FGGY: variants seen among roughly 807,000 people sequenced by gnomAD.
The protein encoded by FGGY is FGGY carbohydrate kinase domain containing.
FGGY carries 72 observed loss-of-function variants against 71.3 expected under a neutral mutation model. That is an observed-to-expected ratio of 1.01 (90% confidence interval 0.84 to 1.23). The LOEUF is 1.23. Among genes scored for constraint, FGGY ranks in the 50% most tolerant of loss-of-function variants. FGGY has a pLI of 0.00. For missense variants in FGGY, 668 were observed against 682.3 expected (o/e 0.98, Z 0.23); for synonymous variants, 251 against 250.3 (o/e 1.00, Z -0.02).
At chr1:59,497,157 C>G (rs1174904292) in intron 6 of FGGY, among the ~76,000 whole-genome samples, 1 of 152,068 alleles carries the variant, frequency 6.6e-6, no homozygotes, top group Non-Finnish European at 1.5e-5. Flanking sequence ...GAAAGAACTG[C>G]CAAAACACAG....
At chr1:59,401,953 A>G (rs1296426678) in intron 5 of FGGY, among the ~76,000 whole-genome samples, 2 of 152,172 alleles carry the variant, frequency 1.3e-5, no homozygotes, top group African/African-American at 4.8e-5. Flanking sequence ...CTTCCAAGGT[A>G]CCATGGCGTT....
rs760816361 is a variant in FGGY at position 59,321,616 on chromosome 1, C to T, written c.67C>T (p.Arg23Cys). Residue 23 changes from arginine to cysteine, a missense_variant, in exon 2 of 16, where the codon CGT becomes TGT. Arg to Cys is a radical substitution (Grantham distance 180, BLOSUM62 -3). This residue lies in a region of FGGY where 661 missense variants were observed against 661.6 expected (regional missense o/e 1.00). Transcript: ENST00000303721. Reference protein sequence around the residue: ...VGVDVGTGSVRAALVDQSGVL... With the variant: ...VGVDVGTGSVCAALVDQSGVL... Reference sequence around the variant, plus strand: ...TGTGGACGTTGGAACAGGCAGTGTCCGTGCAGCTCTGGTGGACCAGAGTGG... The same window carrying T: ...TGTGGACGTTGGAACAGGCAGTGTCTGTGCAGCTCTGGTGGACCAGAGTGG... 8 of 1,613,862 alleles carry T rather than the reference C, an allele frequency of 5.0e-6. No homozygotes were observed. The highest frequency in any genetic ancestry group is 3.3e-5 in the Admixed American group (2 of 59,994).
intron 7 of FGGY, among the ~76,000 whole-genome samples, chr1:59,547,656 G>A (rs2095547663): frequency 6.6e-6 from 1 of 152,162 alleles, no homozygotes. Context: ...CAAGCACAAA[G>A]CAATCTCCCA....
Position 59,306,584 on chromosome 1 carries a change from C to T in FGGY, c.-15+9434C>T, listed in dbSNP as rs575070951. On this transcript the variant is annotated intron_variant, in intron 1 of 15. Coordinates refer to ENST00000303721, the MANE Select transcript of FGGY (RefSeq NM_018291.5). ...AAGAGAAGCAGCTGGCCCAGGCCAA[C>T]TCTACAGGAAAAGAGGCCTGACCTT... Among the ~76,000 whole-genome samples, 165 of 152,282 alleles carry T rather than the reference C, an allele frequency of 1.1e-3. 5 individuals carry two copies. The South Asian group carries it at 0.034, about 31-fold the overall frequency.
intron 12 of FGGY, among the ~76,000 whole-genome samples, chr1:59,660,604 A>G (rs1408579529): frequency 6.6e-6 from 1 of 152,244 alleles, no homozygotes; most frequent in African/African-American, 2.4e-5. Flanking sequence ...GTATGCTTGC[A>G]TTAAGAAAAG....
chr1:59,686,112 G>A (rs899159845), intron 14 of FGGY, among the ~76,000 whole-genome samples: 2 of 152,092 alleles, frequency 1.3e-5, no homozygotes, highest in African/African-American at 2.4e-5. Flanking sequence ...ACCTGACTTC[G>A]GGTCTAGGAT....
chr1:59,626,295 T>C (rs2096856017), intron 10 of FGGY: 1 of 403,388 alleles, frequency 2.5e-6, no homozygotes, highest in Non-Finnish European at 4.4e-6. Context: ...AACTCTGATG[T>C]AGAAGAAGGA....
intron 5 of FGGY, among the ~76,000 whole-genome samples, chr1:59,379,162 AACACACACAC>A (rs55986439): frequency 1.4e-5 from 2 of 143,134 alleles, no homozygotes; most frequent in African/African-American, 2.6e-5. Context: ...GGAAAAAATA[AACACACACAC>A]ACACACACAC....
intron 5 of FGGY, among the ~76,000 whole-genome samples, chr1:59,439,646 C>T (rs111231788): frequency 3.3e-5 from 5 of 152,304 alleles, no homozygotes; most frequent in African/African-American, 1.2e-4. Flanking sequence ...GAAACCCTCC[C>T]TTACTGAAAT....
chr1:59,386,749 G>A (rs2060118967), intron 5 of FGGY, among the ~76,000 whole-genome samples: 1 of 152,026 alleles, frequency 6.6e-6, no homozygotes, highest in Admixed American at 6.6e-5. Flanking sequence ...GGCTTCTTAT[G>A]TACAAACAAG....
intron 6 of FGGY, among the ~76,000 whole-genome samples, chr1:59,491,927 G>A (rs901824434): frequency 2.6e-5 from 4 of 152,046 alleles, no homozygotes; most frequent in South Asian, 2.1e-4. Flanking sequence ...TAATAGACGC[G>A]TGTCGTTCTT....
chr1:59,619,011 T>C (rs866060536), intron 9 of FGGY, among the ~76,000 whole-genome samples: 47 of 152,136 alleles, frequency 3.1e-4, no homozygotes, highest in African/African-American at 1.1e-3. Context: ...CCTGGATTGC[T>C]ACACAACTTC....
chr1:59,653,128 G>A (rs148188895), intron 11 of FGGY, among the ~76,000 whole-genome samples: 5,979 of 152,240 alleles, frequency 0.039, 197 homozygotes, highest in African/African-American at 0.09. Flanking sequence ...CTCCAGCTGC[G>A]TGCTGGGAGA....
Position 59,471,704 on chromosome 1 carries a change from A to G in FGGY, c.670+14628A>G, listed in dbSNP as rs191715638. ...ACTCCCCAAGTGTCTCCTGTGTGCC[A>G]GGTGCTGGGCTAAGTCCTAGGGATA... On this transcript the variant is annotated intron_variant, in intron 6 of 15. Coordinates refer to ENST00000303721, the MANE Select transcript of FGGY (RefSeq NM_018291.5). Among the ~76,000 whole-genome samples the G allele has an allele frequency of 9.4e-4, 143 of 152,322 alleles. 1 individual carries two copies. The highest frequency in any genetic ancestry group is 1.7e-3 in the African/African-American group (71 of 41,572).
chr1:59,351,433 C>T (rs141262475), intron 4 of FGGY, among the ~76,000 whole-genome samples: 189 of 152,294 alleles, frequency 1.2e-3, no homozygotes, highest in African/African-American at 4.5e-3. Context: ...TGTTATTACA[C>T]TCTTAATTTT....
At chr1:59,577,556 A>T in intron 8 of FGGY, among the ~76,000 whole-genome samples, 1 of 152,244 alleles carries the variant, frequency 6.6e-6, no homozygotes, top group East Asian at 1.9e-4. Flanking sequence ...CCTGCAAAAA[A>T]ACAGTGTTGA....
intron 8 of FGGY, among the ~76,000 whole-genome samples, chr1:59,596,206 T>C (rs959562655): frequency 1.3e-5 from 2 of 152,194 alleles, no homozygotes; most frequent in Admixed American, 6.5e-5. Context: ...CTTTTTTTTT[T>C]AACATGAGGC....
chr1:59,672,462 C>T (rs184927627), intron 13 of FGGY, among the ~76,000 whole-genome samples: 1 of 152,208 alleles, frequency 6.6e-6, no homozygotes, highest in African/African-American at 2.4e-5. Context: ...CATTTGGGAA[C>T]CAAGGCTTAA....
chr1:59,641,249 TAAAAA>T (rs1553361223), intron 11 of FGGY: 16 of 1,584,444 alleles, frequency 1.0e-5, no homozygotes, highest in Non-Finnish European at 1.4e-5. Context: ...ATCTTAATAA[TAAAAA>T]AAGAAAATTT....
Sources: gnomAD v4.1 joint callset for allele counts (sites outside exome capture counted in the v4.1 genomes callset) on GRCh38, gnomAD v4.1.1 for gene constraint, gnomAD v4.1.1 regional missense constraint, MANE v1.5 for transcripts, NCBI Gene and HGNC (gene_info 2026-07-23, HGNC 2026-07-21) for gene names.